The following ADAM32 variants were observed in gnomAD, a reference collection of about 807,000 sequenced individuals.
ADAM32 encodes the protein disintegrin and metalloproteinase domain-containing protein 32.
Under a neutral mutation model 114.9 loss-of-function variants are expected in ADAM32, and 89 were observed. That is an observed-to-expected ratio of 0.77 (90% CI 0.65 to 0.92). ADAM32 has a LOEUF of 0.92. Among genes scored for constraint, ADAM32 ranks in the 40% least tolerant of loss-of-function variants. The pLI, the probability that ADAM32 is intolerant of heterozygous loss-of-function variation, is 0.00. For synonymous variants in ADAM32, 285 were observed against 307.5 expected, an observed-to-expected ratio of 0.93 and a Z score of 0.77; for missense variants, 870 against 932.8, an observed-to-expected ratio of 0.93 and a Z score of 0.88.
intron 16 of ADAM32, 42 bp from the exon 17 acceptor site, chr8:39,246,041 C>T: frequency 6.9e-7 from 1 of 1,440,282 alleles, no homozygotes; most frequent in Non-Finnish European, 9.8e-7. Context: ...ATGACTGTAC[C>T]CCTCTGACAT....
At chr8:39,153,000 G>C (rs763133064) in intron 6 of ADAM32, among the ~76,000 whole-genome samples, 1 of 152,164 alleles carries the variant, frequency 6.6e-6, no homozygotes, top group Admixed American at 6.5e-5. Context: ...TGAGGCTGAC[G>C]CCATACAGGT....
chr8:39,125,060 T>G (rs1802029689), intron 2 of ADAM32, among the ~76,000 whole-genome samples: 1 of 152,208 alleles, frequency 6.6e-6, no homozygotes, highest in Non-Finnish European at 1.5e-5. Context: ...TAAGATAGTA[T>G]CTGATTGTGG....
intron 1 of ADAM32, among the ~76,000 whole-genome samples, chr8:39,113,634 C>T (rs1840257294): frequency 6.6e-6 from 1 of 152,116 alleles, no homozygotes; most frequent in African/African-American, 2.4e-5. Flanking sequence ...TTGTAACTAT[C>T]CCTTAACCTC....
At chr8:39,219,277 G>A (rs1190634499) in intron 12 of ADAM32, among the ~76,000 whole-genome samples, 1 of 152,110 alleles carries the variant, frequency 6.6e-6, no homozygotes, top group South Asian at 2.1e-4. Flanking sequence ...GTCTCTACAG[G>A]TCACTTGCCC....
chr8:39,112,426 T>TGAAAAA (rs564747573), intron 1 of ADAM32, among the ~76,000 whole-genome samples: 193 of 152,352 alleles, frequency 1.3e-3, no homozygotes, highest in African/African-American at 4.4e-3. Context: ...TTATGGCTTC[T>TGAAAAA]GCATTTTGTT....
intron 3 of ADAM32, among the ~76,000 whole-genome samples, chr8:39,146,326 A>G (rs4236757): frequency 0.24 from 35,870 of 152,076 alleles, 4,413 homozygotes; most frequent in Middle Eastern, 0.31. Flanking sequence ...TTATCAAAGT[A>G]ATATATGTGC....
At chr8:39,172,842 C>A (rs1480465173) in intron 10 of ADAM32, among the ~76,000 whole-genome samples, 2 of 152,158 alleles carry the variant, frequency 1.3e-5, no homozygotes, top group African/African-American at 4.8e-5. Flanking sequence ...ATTTATATTC[C>A]TTTGGGTATA....
chr8:39,265,632 G>A (rs527859060), intron 19 of ADAM32, among the ~76,000 whole-genome samples: 16 of 152,126 alleles, frequency 1.1e-4, no homozygotes, highest in Non-Finnish European at 1.9e-4. Context: ...GCAGGTAGCT[G>A]GTTATTAAGT....
chr8:39,196,781 A>G (rs1807033140), intron 11 of ADAM32, among the ~76,000 whole-genome samples: 1 of 151,924 alleles, frequency 6.6e-6, no homozygotes, highest in Non-Finnish European at 1.5e-5. Context: ...CATTGGGGAT[A>G]TTGGCCTGTA....
At chr8:39,168,725 G>C (rs1053683519) in intron 9 of ADAM32, 1 of 152,116 alleles carries the variant, frequency 6.6e-6, no homozygotes, top group Non-Finnish European at 1.5e-5. Flanking sequence ...GGAATTCATA[G>C]TTAGAACTGG....
intron 9 of ADAM32, chr8:39,167,885 A>G (rs192166531): frequency 3.3e-5 from 5 of 152,018 alleles, no homozygotes; most frequent in Non-Finnish European, 5.9e-5. Flanking sequence ...GTGTACATTA[A>G]TCTTGTATCC....
chr8:39,172,237 T>C (rs1033990649), intron 10 of ADAM32, among the ~76,000 whole-genome samples: 25 of 152,288 alleles, frequency 1.6e-4, no homozygotes, highest in African/African-American at 4.8e-4. Context: ...TGGAATCTTT[T>C]ACTACTTTTC....
chr8:39,222,054 T>C (rs1313627911), intron 13 of ADAM32, among the ~76,000 whole-genome samples: 1 of 152,050 alleles, frequency 6.6e-6, no homozygotes, highest in Non-Finnish European at 1.5e-5. Context: ...AGTATCTATT[T>C]ATGTGTAATT....
chr8:39,182,306 A>G (rs1040217225), intron 10 of ADAM32, among the ~76,000 whole-genome samples: 2 of 152,246 alleles, frequency 1.3e-5, no homozygotes, highest in Non-Finnish European at 2.9e-5. Context: ...TAAACAGTAA[A>G]GCTCTGGAAG....
chr8:39,270,202 AT>A (rs1812626573), intron 19 of ADAM32, among the ~76,000 whole-genome samples: 1 of 152,178 alleles, frequency 6.6e-6, no homozygotes, highest in Non-Finnish European at 1.5e-5. Context: ...TAAAGAAAAA[AT>A]ATTTTTAAAA....
At chr8:39,112,340 C>T (rs1840198219) in intron 1 of ADAM32, among the ~76,000 whole-genome samples, 1 of 152,022 alleles carries the variant, frequency 6.6e-6, no homozygotes, top group Non-Finnish European at 1.5e-5. Context: ...ATATCTTGCA[C>T]AAGTTTTCTT....
chr8:39,250,797 T>A (rs1811236731), intron 17 of ADAM32, among the ~76,000 whole-genome samples: 1 of 151,940 alleles, frequency 6.6e-6, no homozygotes, highest in African/African-American at 2.4e-5. Context: ...TGGATATTTG[T>A]ACCTATTAAT....
intron 19 of ADAM32, among the ~76,000 whole-genome samples, chr8:39,262,080 T>G (rs901458210): frequency 6.6e-6 from 1 of 152,168 alleles, no homozygotes; most frequent in African/African-American, 2.4e-5. Flanking sequence ...TTTTGTCACC[T>G]GTGCTTTTGA....
intron 16 of ADAM32, among the ~76,000 whole-genome samples, chr8:39,237,258 G>C (rs79988794): frequency 0.055 from 8,123 of 148,026 alleles, 745 homozygotes; most frequent in African/African-American, 0.19. Flanking sequence ...TGACAGCAGT[G>C]CCTGGGGAGG....
Sources: allele counts gnomAD v4.1 joint callset (sites outside exome capture counted in the v4.1 genomes callset), GRCh38; gene constraint gnomAD v4.1.1; transcripts MANE v1.5; gene names NCBI Gene and HGNC (gene_info 2026-07-23, HGNC 2026-07-21).